The following CEP85L variants were observed in gnomAD, a reference collection of about 807,000 sequenced individuals.
The protein encoded by CEP85L is centrosomal protein of 85 kDa-like.
Under a neutral mutation model 100.3 loss-of-function variants are expected in CEP85L, and 60 were observed. That is an observed-to-expected ratio of 0.60 (90% CI 0.49 to 0.74). The LOEUF (loss-of-function observed/expected upper bound fraction) is 0.74. CEP85L is among the 30% of genes least tolerant of loss of function. CEP85L has a pLI of 0.00. For synonymous variants in CEP85L, 319 were observed against 322.7 expected (o/e 0.99, Z 0.12); for missense variants, 973 against 936.2 (o/e 1.04, Z -0.51).
At chr6:118,567,176 T>C (rs1007782786) in intron 2 of CEP85L, among the ~76,000 whole-genome samples, 1 of 150,298 alleles carries the variant, frequency 6.7e-6, no homozygotes, top group Non-Finnish European at 1.5e-5. Context: ...GGCATATATA[T>C]ATGTGTGTAC....
At chr6:118,624,871 G>A (rs1221436650) in intron 2 of CEP85L, among the ~76,000 whole-genome samples, 4 of 152,212 alleles carry the variant, frequency 2.6e-5, no homozygotes, top group Non-Finnish European at 4.4e-5. Context: ...GTCCATATAA[G>A]AAACTAGACC....
chr6:118,545,763 C>T (rs1043837755), intron 3 of CEP85L, among the ~76,000 whole-genome samples: 11 of 152,240 alleles, frequency 7.2e-5, no homozygotes, highest in Non-Finnish European at 1.2e-4. Context: ...TTCAAAGACA[C>T]TTTACCCTTA....
In CEP85L at chr6:118,558,918, T is replaced by A. The variant is rs749900271; in HGVS notation, c.1020+6611A>T. The A allele has an allele frequency of 6.2e-7, 1 of 1,613,140 alleles. No individual in the cohort carries two copies. On this transcript the variant is annotated intron_variant, in intron 3 of 12. Transcript: ENST00000368491. Reference sequence around the variant, plus strand: ...AACTTCAGACTTCCTGTCCTGCTGGTATCATGGAGAAAGTCCAATACCTCA... The same window carrying A: ...AACTTCAGACTTCCTGTCCTGCTGGAATCATGGAGAAAGTCCAATACCTCA...
chr6:118,600,970 T>C (rs1013828002), intron 2 of CEP85L, among the ~76,000 whole-genome samples: 2 of 152,194 alleles, frequency 1.3e-5, no homozygotes, highest in African/African-American at 4.8e-5. Context: ...AATAACCATT[T>C]CTCCATTGGT....
intron 1 of CEP85L, among the ~76,000 whole-genome samples, chr6:118,633,018 A>G (rs1448029050): frequency 2.0e-5 from 3 of 152,218 alleles, no homozygotes; most frequent in Non-Finnish European, 2.9e-5. Flanking sequence ...AATGCATGAT[A>G]ATATAAATAG....
intron 5 of CEP85L, among the ~76,000 whole-genome samples, chr6:118,508,458 G>A (rs1775786263): frequency 6.6e-6 from 1 of 151,996 alleles, no homozygotes; most frequent in Non-Finnish European, 1.5e-5. Context: ...AACCACAGAT[G>A]GAAATTTAGG....
chr6:118,564,067 G>A (rs1252305571), intron 3 of CEP85L, among the ~76,000 whole-genome samples: 1 of 152,096 alleles, frequency 6.6e-6, no homozygotes, highest in Non-Finnish European at 1.5e-5. Context: ...TCTCTACTAT[G>A]CACTAGAAAG....
intron 10 of CEP85L, among the ~76,000 whole-genome samples, chr6:118,475,327 G>A (rs573935307): frequency 1.3e-5 from 2 of 151,122 alleles, no homozygotes; most frequent in South Asian, 2.1e-4. Flanking sequence ...TTCAAAAAAG[G>A]TGGGTGAATT....
rs535177329 is a variant in CEP85L, at chr6:118,594,572, C to T, written c.233-28256G>A. On this transcript the variant is annotated intron_variant, in intron 2 of 12. Transcript: ENST00000368491. Reference sequence around the variant, plus strand: ...ATCAGCCCAAAACAGACATTAAAAACTATATTTAAGAACTCGCCGGGCACG... The same window carrying T: ...ATCAGCCCAAAACAGACATTAAAAATTATATTTAAGAACTCGCCGGGCACG... Among the ~76,000 whole-genome samples the T allele has an allele frequency of 3.3e-5, 5 of 152,146 alleles. No homozygotes were observed. In the East Asian group the frequency reaches 9.7e-4, roughly 29 times the overall value.
At chr6:118,673,305 C>T (rs150043677) in intron 1 of CEP85L, among the ~76,000 whole-genome samples, 14 of 152,222 alleles carry the variant, frequency 9.2e-5, no homozygotes, top group African/African-American at 3.4e-4. Flanking sequence ...TTTTAACTAC[C>T]ATTGAATATC....
intron 1 of CEP85L, among the ~76,000 whole-genome samples, chr6:118,696,538 T>C (rs1462241350): frequency 1.3e-5 from 2 of 152,210 alleles, no homozygotes; most frequent in African/African-American, 4.8e-5. Flanking sequence ...GTTGAGCTTG[T>C]GCATACTCTG....
intron 1 of CEP85L, among the ~76,000 whole-genome samples, chr6:118,709,758 C>A (rs1777726486): frequency 6.6e-6 from 1 of 152,090 alleles, no homozygotes; most frequent in Non-Finnish European, 1.5e-5. Context: ...TCTGCAAAGA[C>A]CATTTGCCAT....
At chr6:118,600,370 T>TGTG (rs58066356) in intron 2 of CEP85L, among the ~76,000 whole-genome samples, 1 of 86,368 alleles carries the variant, frequency 1.2e-5, no homozygotes, top group Non-Finnish European at 2.6e-5. Context: ...TGTGTGTGTG[T>TGTG]AACGCCATGG....
At chr6:118,604,574 T>TACGATGTTA (rs2115189575) in intron 2 of CEP85L, among the ~76,000 whole-genome samples, 1 of 152,356 alleles carries the variant, frequency 6.6e-6, no homozygotes, top group South Asian at 2.1e-4. Flanking sequence ...AATTACATGT[T>TACGATGTTA]ACGATGTTAA....
At chr6:118,613,421 G>C (rs1414268028) in intron 2 of CEP85L, among the ~76,000 whole-genome samples, 2 of 152,054 alleles carry the variant, frequency 1.3e-5, no homozygotes, top group Non-Finnish European at 2.9e-5. Context: ...AACTATTAAG[G>C]AAATCGAATT....
At chr6:118,470,987 T>C (rs190807210) in intron 10 of CEP85L, among the ~76,000 whole-genome samples, 31 of 152,264 alleles carry the variant, frequency 2.0e-4, no homozygotes, top group African/African-American at 6.7e-4. Context: ...ACTTTTTATA[T>C]GTAGAGAGTG....
intron 3 of CEP85L, among the ~76,000 whole-genome samples, chr6:118,540,334 A>G (rs529223379): frequency 1.3e-5 from 2 of 152,338 alleles, no homozygotes; most frequent in South Asian, 4.1e-4. Flanking sequence ...ACTGACTGAT[A>G]TGAAAATTTG....
chr6:118,599,113 A>C (rs1781595408), intron 2 of CEP85L, among the ~76,000 whole-genome samples: 1 of 152,212 alleles, frequency 6.6e-6, no homozygotes, highest in African/African-American at 2.4e-5. Flanking sequence ...CCTAAAAGCA[A>C]TGACAACCCA....
chr6:118,526,040 C>T (rs1349645967), intron 3 of CEP85L, among the ~76,000 whole-genome samples: 1 of 152,306 alleles, frequency 6.6e-6, no homozygotes, highest in Middle Eastern at 3.4e-3. Flanking sequence ...ATAGGATGAA[C>T]AGACTAAGGA....
Sources: allele counts gnomAD v4.1 joint callset (sites outside exome capture counted in the v4.1 genomes callset), GRCh38; gene constraint gnomAD v4.1.1; transcripts MANE v1.5; gene names NCBI Gene and HGNC (gene_info 2026-07-23, HGNC 2026-07-21).